DLGAP1: variants seen among roughly 807,000 people sequenced by gnomAD.
The protein encoded by DLGAP1 is disks large-associated protein 1.
DLGAP1 carries 11 observed loss-of-function variants against 90.8 expected under a neutral mutation model. The observed-to-expected ratio is 0.12, with a 90% CI of 0.08 to 0.20. The LOEUF (loss-of-function observed/expected upper bound fraction) is 0.20. Ranked by LOEUF, DLGAP1 falls within the 10% of genes least tolerant of loss-of-function variation. The pLI, the probability that DLGAP1 is intolerant of heterozygous loss-of-function variation, is 1.00. For synonymous variants in DLGAP1, 558 were observed against 540.7 expected, an observed-to-expected ratio of 1.03 and a Z score of -0.44; for missense variants, 1,050 against 1,333.8, an observed-to-expected ratio of 0.79 and a Z score of 3.31.
intron 2 of DLGAP1, among the ~76,000 whole-genome samples, chr18:4,036,085 A>G (rs1166075723): frequency 6.6e-6 from 1 of 152,184 alleles, no homozygotes; most frequent in Admixed American, 6.5e-5. Flanking sequence ...TAGAACAGAT[A>G]CCTTTAAAAC....
intron 1 of DLGAP1, among the ~76,000 whole-genome samples, chr18:4,448,581 C>T (rs1344778660): frequency 6.6e-6 from 1 of 152,138 alleles, no homozygotes; most frequent in Non-Finnish European, 1.5e-5. Context: ...CATTCTGTCT[C>T]ACCATTCCTC....
chr18:4,293,730 T>C (rs950151222), intron 1 of DLGAP1: 3 of 152,194 alleles, frequency 2.0e-5, no homozygotes, highest in African/African-American at 7.2e-5. Flanking sequence ...TTAACAACTA[T>C]AGTGCATAAT....
At chr18:3,904,979 T>TTCA (rs1020247693) in intron 3 of DLGAP1, among the ~76,000 whole-genome samples, 3 of 151,528 alleles carry the variant, frequency 2.0e-5, no homozygotes, top group Non-Finnish European at 4.4e-5. Flanking sequence ...GGCCCTATTA[T>TTCA]TCATTATTAT....
chr18:4,404,517 T>G (rs1449168717), intron 1 of DLGAP1, among the ~76,000 whole-genome samples: 1 of 152,176 alleles, frequency 6.6e-6, no homozygotes, highest in Non-Finnish European at 1.5e-5. Context: ...ACAGCTATCA[T>G]GAGCTGACAA....
At chr18:3,894,076 C>T (rs28826305) in intron 3 of DLGAP1, among the ~76,000 whole-genome samples, 3,705 of 152,076 alleles carry the variant, frequency 0.024, 146 homozygotes, top group African/African-American at 0.084. Context: ...TATTTGGTTT[C>T]TGAAATTGTT....
At chr18:3,620,444 GT>G (rs1045012421) in intron 7 of DLGAP1, among the ~76,000 whole-genome samples, 1 of 152,114 alleles carries the variant, frequency 6.6e-6, no homozygotes, top group Non-Finnish European at 1.5e-5. Context: ...GATCTGTGTT[GT>G]GTAAAGCCAC....
Position 4,264,406 on chromosome 18 carries a change from G to A in DLGAP1, c.-266-113119C>T, listed in dbSNP as rs115949203. ...ATGTCATTGTTCTCTGGTAAGTATTGTGTAAGATTTTCTCTTAATCCTTGA... is the reference window on the plus strand; with the variant it reads ...ATGTCATTGTTCTCTGGTAAGTATTATGTAAGATTTTCTCTTAATCCTTGA... On this transcript the variant is annotated intron_variant, in intron 1 of 12. Coordinates refer to ENST00000315677, the MANE Select transcript of DLGAP1 (RefSeq NM_004746.4). Among the ~76,000 whole-genome samples the A allele has an allele frequency of 2.2e-3, 342 of 152,324 alleles. 1 individual carries two copies. Among genetic ancestry groups the A allele is most frequent in the African/African-American group, 7.9e-3 (327 of 41,566 alleles).
intron 3 of DLGAP1, among the ~76,000 whole-genome samples, chr18:3,929,561 G>A (rs551431404): frequency 8.5e-5 from 13 of 152,304 alleles, no homozygotes; most frequent in African/African-American, 3.1e-4. Flanking sequence ...CAGGCAACAG[G>A]AAGCCTTACT....
At chr18:4,387,078 C>A (rs1307549908) in intron 1 of DLGAP1, among the ~76,000 whole-genome samples, 1 of 152,074 alleles carries the variant, frequency 6.6e-6, no homozygotes, top group African/African-American at 2.4e-5. Flanking sequence ...AGGGACCACC[C>A]ATTGTGTTCT....
chr18:4,416,360 G>C (rs2082899658), intron 1 of DLGAP1, among the ~76,000 whole-genome samples: 1 of 151,498 alleles, frequency 6.6e-6, no homozygotes, highest in East Asian at 1.9e-4. Flanking sequence ...TATATTAGAA[G>C]GGATTATCAA....
At chr18:4,440,352 C>T (rs79028416) in intron 1 of DLGAP1, among the ~76,000 whole-genome samples, 2,639 of 151,588 alleles carry the variant, frequency 0.017, 75 homozygotes, top group African/African-American at 0.061. Context: ...ACTTTCAATA[C>T]ATGTATATAA....
intron 3 of DLGAP1, among the ~76,000 whole-genome samples, chr18:3,886,514 A>T (rs1359046280): frequency 6.7e-6 from 1 of 149,860 alleles, no homozygotes; most frequent in African/African-American, 2.5e-5. Context: ...ACTAGATCTT[A>T]TCATTCATTC....
At chr18:4,176,882 G>A (rs1568435413) in intron 1 of DLGAP1, among the ~76,000 whole-genome samples, 1 of 152,168 alleles carries the variant, frequency 6.6e-6, no homozygotes, top group Non-Finnish European at 1.5e-5. Context: ...AGAGGTGCCC[G>A]TCAGGATCCA....
chr18:3,954,294 C>G (rs921664499), intron 3 of DLGAP1, among the ~76,000 whole-genome samples: 2 of 151,918 alleles, frequency 1.3e-5, no homozygotes, highest in East Asian at 1.9e-4. Context: ...CATGGGATTC[C>G]ACTTGAGGGA....
intron 6 of DLGAP1, among the ~76,000 whole-genome samples, chr18:3,741,187 A>C (rs1162482729): frequency 5.9e-4 from 20 of 33,884 alleles, no homozygotes; most frequent in Non-Finnish European, 7.1e-4. Context: ...CACCACCACC[A>C]CCACCACCAC....
At chr18:3,573,345 T>C (rs1299085780) in intron 8 of DLGAP1, among the ~76,000 whole-genome samples, 2 of 152,148 alleles carry the variant, frequency 1.3e-5, no homozygotes, top group African/African-American at 2.4e-5. Context: ...CTACTAAAAA[T>C]ACAAAAATTA....
chr18:4,399,317 GA>G lies in DLGAP1; in HGVS notation c.-267+55688del, dbSNP rs1312163861. On this transcript the variant is annotated intron_variant, in intron 1 of 12. Transcript: ENST00000315677. The stretch of plus-strand genomic sequence containing the variant: ...TCTACTACTACCAACAAGAATTCCT[GA>G]AAACAACAAGAGTAACAAATGATAG... 3.2e-4 allele frequency among the ~76,000 whole-genome samples: 48 copies of G among 152,220 alleles called. 1 individual carries two copies. The highest frequency in any genetic ancestry group is 6.2e-4 in the South Asian group (3 of 4,822).
chr18:3,882,664 G>A (rs1415002343), intron 3 of DLGAP1, among the ~76,000 whole-genome samples: 1 of 152,130 alleles, frequency 6.6e-6, no homozygotes, highest in Non-Finnish European at 1.5e-5. Context: ...CATATCCCAT[G>A]TAGGGTATCT....
At chr18:3,692,898 G>C (rs1009532026) in intron 7 of DLGAP1, among the ~76,000 whole-genome samples, 4 of 152,210 alleles carry the variant, frequency 2.6e-5, no homozygotes, top group African/African-American at 9.7e-5. Flanking sequence ...ACCTAGGTTA[G>C]TAATTCTGGA....
Sources: allele counts gnomAD v4.1 joint callset (sites outside exome capture counted in the v4.1 genomes callset), GRCh38; gene constraint gnomAD v4.1.1; transcripts MANE v1.5; gene names NCBI Gene and HGNC (gene_info 2026-07-23, HGNC 2026-07-21).